Variants in SFMBT2 observed in about 807,000 individuals in gnomAD.
SFMBT2 encodes the protein Scm like with four mbt domains 2.
Under a neutral mutation model 110.1 loss-of-function variants are expected in SFMBT2, and 38 were observed. That is an observed-to-expected ratio of 0.35 (90% CI 0.27 to 0.45). The LOEUF (loss-of-function observed/expected upper bound fraction) is 0.45. Ranked by LOEUF, SFMBT2 falls within the 20% of genes least tolerant of loss-of-function variation. The pLI is 1.00. For missense variants in SFMBT2, 1,011 were observed against 1,094.9 expected, an observed-to-expected ratio of 0.92 and a Z score of 1.08; for synonymous variants, 425 against 425.4, an observed-to-expected ratio of 1.00 and a Z score of 0.01.
At position 7,180,061 on chromosome 10, in the gene SFMBT2, G is replaced by A. The variant is rs144119976; in HGVS notation, c.1809-3896C>T. On this transcript the variant is annotated intron_variant, in intron 16 of 20. Transcript: ENST00000397167. ...CGTGCTGCCTGGACCCCTTCACTGGGGGGCTTGTTGCCCCACCTGCTGGGA... is the reference window on the plus strand; with the variant it reads ...CGTGCTGCCTGGACCCCTTCACTGGAGGGCTTGTTGCCCCACCTGCTGGGA... 1.1e-4 allele frequency among the ~76,000 whole-genome samples: 16 copies of A among 152,314 alleles called. No homozygotes were observed. The East Asian group carries it at 2.9e-3, about 28-fold the overall frequency.
intron 4 of SFMBT2, among the ~76,000 whole-genome samples, chr10:7,338,825 C>T: frequency 6.6e-6 from 1 of 152,228 alleles, no homozygotes; most frequent in Non-Finnish European, 1.5e-5. Context: ...GTCAGTCCTG[C>T]ATGCAGTCTG....
At chr10:7,329,949 A>C (rs1340386326) in intron 4 of SFMBT2, among the ~76,000 whole-genome samples, 1 of 152,208 alleles carries the variant, frequency 6.6e-6, no homozygotes, top group Non-Finnish European at 1.5e-5. Flanking sequence ...AATGCAAGAA[A>C]TGTCAAAGAA....
intron 11 of SFMBT2, among the ~76,000 whole-genome samples, chr10:7,216,651 G>A (rs1020563628): frequency 2.0e-5 from 3 of 152,052 alleles, no homozygotes; most frequent in African/African-American, 7.2e-5. Flanking sequence ...GCTTCTAAAA[G>A]TCTCCTCGTT....
chr10:7,379,961 G>A (rs189377906), intron 2 of SFMBT2, among the ~76,000 whole-genome samples: 8 of 152,270 alleles, frequency 5.3e-5, no homozygotes, highest in African/African-American at 1.7e-4. Flanking sequence ...CACTGCAACC[G>A]TGTGCACATG....
rs560511900 is a variant in SFMBT2 at position 7,170,272 on chromosome 10, A to C, written c.2544+656T>G. On this transcript the variant is annotated intron_variant, in intron 20 of 20. Coordinates refer to ENST00000397167, the MANE Select transcript of SFMBT2 (RefSeq NM_001387889.1). The surrounding 1 kb of genome is among the most constrained non-coding windows in gnomAD (Gnocchi z 4.6). ...CTTGGAGCTGAAGAAGCTGCAACCC[A>C]GATTTGCCAAAAGGCACTGACAGGA... Among the ~76,000 whole-genome samples the C allele has an allele frequency of 1.3e-5, 2 of 152,352 alleles. No homozygotes were observed. Among genetic ancestry groups the C allele is most frequent in the African/African-American group, 4.8e-5 (2 of 41,584 alleles).
At chr10:7,254,151 T>A (rs1191849311) in intron 7 of SFMBT2, among the ~76,000 whole-genome samples, 2 of 152,168 alleles carry the variant, frequency 1.3e-5, no homozygotes, top group African/African-American at 2.4e-5. Flanking sequence ...GCTACGTGGC[T>A]CACCCAAGAA....
At chr10:7,231,311 C>T (rs1331489306) in intron 9 of SFMBT2, among the ~76,000 whole-genome samples, 3 of 152,094 alleles carry the variant, frequency 2.0e-5, no homozygotes, top group Non-Finnish European at 4.4e-5. Context: ...GAGTTAATTT[C>T]AAGAGTGAAG....
At chr10:7,382,390 AC>A (rs1845450156) in intron 1 of SFMBT2, among the ~76,000 whole-genome samples, 1 of 152,166 alleles carries the variant, frequency 6.6e-6, no homozygotes, top group South Asian at 2.1e-4. Flanking sequence ...AGCCTGTGAA[AC>A]AGAGTGAGGC....
intron 4 of SFMBT2, chr10:7,348,337 C>CA (rs560251110): frequency 8.5e-6 from 13 of 1,520,814 alleles, no homozygotes; most frequent in Admixed American, 2.2e-5. Flanking sequence ...CTCTCTACTA[C>CA]AAAAAAATAA....
Position 7,172,132 on chromosome 10 carries a change from G to C in SFMBT2, c.2178C>G (p.Ala726=). 1 of 1,571,560 alleles carries C rather than the reference G, an allele frequency of 6.4e-7. No individual in the cohort carries two copies. The highest frequency in any genetic ancestry group is 8.6e-7 in the Non-Finnish European group (1 of 1,157,558). Residue 726 remains alanine, a synonymous_variant, in exon 19 of 21, where the codon GCC becomes GCG. Coordinates refer to ENST00000397167, the MANE Select transcript of SFMBT2 (RefSeq NM_001387889.1). This position sits in a 1 kb window ranked among gnomAD's most constrained non-coding sequence, Gnocchi z 4.6. ...CCTCACTGGCGGTGTCATCGTCCATGGCGTCAGCGTCCTCCTCTTCACTTT... is the reference window on the plus strand; with the variant it reads ...CCTCACTGGCGGTGTCATCGTCCATCGCGTCAGCGTCCTCCTCTTCACTTT... The part of the protein sequence containing the change: ...GEESEEEDAD[A]MDDDTASEET...
At chr10:7,231,452 C>T (rs1256709730) in intron 9 of SFMBT2, among the ~76,000 whole-genome samples, 1 of 152,150 alleles carries the variant, frequency 6.6e-6, no homozygotes, top group Non-Finnish European at 1.5e-5. Context: ...TCAGATAAAA[C>T]TTTCCCACCT....
At position 7,205,807 on chromosome 10, in the gene SFMBT2, C is replaced by T; in HGVS notation, c.1444+8G>A. ...TCATCCACCCCCCCTCAACTGGGAA[C>T]CACTTACAGACTGTTTTGTGTGGTG... is the stretch of plus-strand genomic sequence containing the variant. On this transcript the variant is annotated splice_region_variant and intron_variant, in intron 12 of 20. Transcript: ENST00000397167. 2 of 1,612,516 alleles carry T rather than the reference C, an allele frequency of 1.2e-6. No homozygotes were observed. Among genetic ancestry groups the T allele is most frequent in the Non-Finnish European group, 1.7e-6 (2 of 1,178,932 alleles).
rs1293253699 is a variant in SFMBT2 at position 7,163,773 on chromosome 10, G to A, written c.2682C>T (p.Asn894=). 1 of 1,613,864 alleles carries A rather than the reference G, an allele frequency of 6.2e-7. No homozygotes were observed. Among genetic ancestry groups the A allele is most frequent in the Non-Finnish European group, 8.5e-7 (1 of 1,179,932 alleles). The part of the protein sequence containing the change: ...VKVAFYAQYA[N] ...GGGCCACCTCCCGAGGGCAGACTCA[G>A]TTGGCGTACTGGGCGTAGAAAGCCA... The change falls in exon 21 of 21, where the codon AAC becomes AAT. Residue 894 remains asparagine (N), a synonymous_variant. Coordinates refer to ENST00000397167, the MANE Select transcript of SFMBT2 (RefSeq NM_001387889.1). This position sits in a 1 kb window ranked among gnomAD's most constrained non-coding sequence, Gnocchi z 4.8.
At chr10:7,220,120 TTTAA>T (rs1271299045) in intron 11 of SFMBT2, among the ~76,000 whole-genome samples, 2 of 152,206 alleles carry the variant, frequency 1.3e-5, no homozygotes, top group African/African-American at 2.4e-5. Context: ...CTCACATTAA[TTTAA>T]TTGTGACATT....
At chr10:7,192,843 T>G (rs1252696725) in intron 15 of SFMBT2, among the ~76,000 whole-genome samples, 1 of 152,042 alleles carries the variant, frequency 6.6e-6, no homozygotes, top group Non-Finnish European at 1.5e-5. Context: ...CGCATTCTGG[T>G]TCAGGGGTGC....
At chr10:7,231,390 G>A (rs1840108531) in intron 9 of SFMBT2, among the ~76,000 whole-genome samples, 1 of 152,148 alleles carries the variant, frequency 6.6e-6, no homozygotes, top group Admixed American at 6.6e-5. Flanking sequence ...AAATAGCAAA[G>A]CATTTTCTGA....
chr10:7,400,343 C>T (rs1846040077), intron 1 of SFMBT2, among the ~76,000 whole-genome samples: 1 of 152,210 alleles, frequency 6.6e-6, no homozygotes, highest in South Asian at 2.1e-4. Flanking sequence ...CCAAGCTTCA[C>T]CGTAAACACT....
chr10:7,350,513 C>T (rs1398072023), intron 4 of SFMBT2, among the ~76,000 whole-genome samples: 1 of 152,226 alleles, frequency 6.6e-6, no homozygotes, highest in Non-Finnish European at 1.5e-5. Context: ...TAATAAATGT[C>T]TTCCCAAAGT....
intron 7 of SFMBT2, among the ~76,000 whole-genome samples, chr10:7,265,506 G>C (rs757629603): frequency 1.5e-4 from 23 of 152,154 alleles, no homozygotes; most frequent in Non-Finnish European, 3.1e-4. Flanking sequence ...TGGCCCCTGA[G>C]ATGTCTTCTT....
Sources: gnomAD v4.1 joint callset for allele counts (sites outside exome capture counted in the v4.1 genomes callset) on GRCh38, gnomAD v4.1.1 for gene constraint, Gnocchi (gnomAD v3.1) non-coding constraint, MANE v1.5 for transcripts, NCBI Gene and HGNC (gene_info 2026-07-23, HGNC 2026-07-21) for gene names.